Variants in HSPG2 observed in about 807,000 individuals in gnomAD.
The protein encoded by HSPG2 is basement membrane-specific heparan sulfate proteoglycan core protein.
Under a neutral mutation model 526.6 loss-of-function variants are expected in HSPG2, and 278 were observed. The observed-to-expected ratio is 0.53, with a 90% CI of 0.48 to 0.58. The LOEUF (loss-of-function observed/expected upper bound fraction) is 0.58, where lower values mean the gene tolerates loss of function less well. Ranked by LOEUF, HSPG2 falls within the 20% of genes least tolerant of loss-of-function variation. The pLI is 0.00. For synonymous variants in HSPG2, 2,465 were observed against 2,555.4 expected (o/e 0.96, Z 1.07); for missense variants, 5,354 against 6,099.5 (o/e 0.88, Z 4.07).
At chr1:21,876,996 T>C (rs2152749827) in intron 21 of HSPG2, among the ~76,000 whole-genome samples, 1 of 142,160 alleles carries the variant, frequency 7.0e-6, no homozygotes, top group South Asian at 2.2e-4. Context: ...GAGGTGGAGG[T>C]TGCAGTGAGC....
At position 21,895,467 on chromosome 1, in the gene HSPG2, G is replaced by T. The variant is rs1047880428; in HGVS notation, c.244+455C>A. Among the ~76,000 whole-genome samples the T allele has an allele frequency of 6.6e-6, 1 of 152,144 alleles. No homozygotes were observed. The highest frequency in any genetic ancestry group is 1.5e-5 in the Non-Finnish European group (1 of 68,006). ...CTCTCCCAAGCCTAGCGTCAGGCTC[G>T]ATCTGTGCTCTGCATGCCCTGCTGC... On this transcript the variant is annotated intron_variant, in intron 3 of 96. Transcript: ENST00000374695. The surrounding 1 kb of genome is among the most constrained non-coding windows in gnomAD (Gnocchi z 4.1).
intron 1 of HSPG2, among the ~76,000 whole-genome samples, chr1:21,919,425 CAA>C (rs36109631): frequency 4.5e-4 from 54 of 118,828 alleles, no homozygotes; most frequent in African/African-American, 9.6e-4. Context: ...GACCCTGTCT[CAA>C]AAAAAAAAAA....
At chr1:21,850,582 C>A (rs1638815532) in intron 55 of HSPG2, 84 bp from the exon 56 acceptor site, 6 of 1,420,502 alleles carry the variant, frequency 4.2e-6, no homozygotes, top group Non-Finnish European at 3.7e-6. Flanking sequence ...CTCTGACCCC[C>A]AAGGCCTGGC....
In HSPG2 at chr1:21,889,815, C is replaced by G. The variant is rs146852947; in HGVS notation, c.574+166G>C. 2.2e-3 allele frequency: 1,579 copies of G among 733,552 alleles called. 16 individuals carry two copies. The African/African-American group carries it at 0.024, about 11-fold the overall frequency. The allele number at this position is 733,552 out of a possible 1,614,324, so 45.4% of individuals were successfully genotyped here. ...TATGTGCTAGAGGAAACAGTCTGTG[C>G]TCTACCAAGCCAAGATTGTGTAAAG... On this transcript the variant is annotated intron_variant, in intron 6 of 96. Transcript: ENST00000374695.
intron 9 of HSPG2, among the ~76,000 whole-genome samples, chr1:21,886,942 C>T (rs1221243424): frequency 6.6e-5 from 10 of 152,184 alleles, no homozygotes; most frequent in Non-Finnish European, 8.8e-5. Context: ...AAAGAAATGA[C>T]GAGACACGAA....
rs552699467 is a variant in HSPG2 at position 21,833,355 on chromosome 1, G to A, written c.11008C>T (p.Pro3670Ser). 1.2e-6 allele frequency: 2 copies of A among 1,614,148 alleles called. No homozygotes were observed. Among genetic ancestry groups the A allele is most frequent in the South Asian group, 2.2e-5 (2 of 91,082 alleles). ...ERVVPYFTQT[P>S]YSFLPLPTIK... is the part of the protein sequence containing the mutation. ...GTGGGCAGCGGTAGGAAGGAGTAGGGGGTCTGCGTGAAGTAGGGCACCACC... is the reference window on the plus strand; with the variant it reads ...GTGGGCAGCGGTAGGAAGGAGTAGGAGGTCTGCGTGAAGTAGGGCACCACC... Residue 3670 changes from proline to serine, a missense_variant, in exon 80 of 97, where the codon CCC (proline) becomes TCC (serine). Pro to Ser is a moderately conservative substitution (Grantham distance 74). Transcript: ENST00000374695.
chr1:21,881,423 G>T lies in HSPG2; in HGVS notation c.1734C>A (p.His578Gln), dbSNP rs761523501. The T allele has an allele frequency of 1.3e-5, 21 of 1,613,904 alleles. 3 individuals carry two copies. The South Asian group carries it at 2.2e-4, about 17-fold the overall frequency. ...GGGACAGGTCGACTAGCTGGAACTC[G>T]TGCAGGGATGGGTCGATCTGCAGCT... is the stretch of plus-strand genomic sequence containing the variant. ...STQLQIDPSLHEFQLVDLSRR... is the reference protein window; with the variant it reads ...STQLQIDPSLQEFQLVDLSRR... The change falls in exon 14 of 97, where the codon CAC (histidine) becomes CAA (glutamine). Residue 578 changes from histidine (H) to glutamine (Q), a missense_variant. Physicochemically the swap from His to Gln is conservative, Grantham distance 24. Coordinates refer to ENST00000374695, the MANE Select transcript of HSPG2 (RefSeq NM_005529.7).
At position 21,828,715 on chromosome 1, in the gene HSPG2, C is replaced by A; in HGVS notation, c.12237+120G>T. ...GAGGCTCAGAGGTACAGTGTCCTGGCCCAGGGCCCGTGGGTGGCTGCAGGT... is the reference window on the plus strand; with the variant it reads ...GAGGCTCAGAGGTACAGTGTCCTGGACCAGGGCCCGTGGGTGGCTGCAGGT... On this transcript the variant is annotated intron_variant, in intron 88 of 96. Transcript: ENST00000374695. This position sits in a 1 kb window ranked among gnomAD's most constrained non-coding sequence, Gnocchi z 6.0. The A allele has an allele frequency of 7.1e-7, 1 of 1,414,370 alleles. No homozygotes were observed. The highest frequency in any genetic ancestry group is 1.2e-5 in the South Asian group (1 of 80,682). 87.6% of individuals were successfully genotyped at this position (1,414,370 alleles called of 1,614,324 possible). A position where few individuals can be genotyped will look rare whatever the true frequency, so the allele number is the denominator to read the frequency against.
At position 21,878,201 on chromosome 1, in the gene HSPG2, C is replaced by G; in HGVS notation, c.2670G>C (p.Glu890Asp). Residue 890 changes from glutamate (E) to aspartate (D), a missense_variant, in exon 21 of 97, where the codon GAG becomes GAC. Coordinates refer to ENST00000374695, the MANE Select transcript of HSPG2 (RefSeq NM_005529.7). Reference sequence around the variant, plus strand: ...GCACGCGTACCTTACAGCGGCAGGCCTCCCCGGAGGTCCCCATGCTGCCAC... The same window carrying G: ...GCACGCGTACCTTACAGCGGCAGGCGTCCCCGGAGGTCCCCATGCTGCCAC... Reference protein sequence around the residue: ...DERGSMGTSGEACRCKNNVVG... With the variant: ...DERGSMGTSGDACRCKNNVVG... 6.2e-7 allele frequency: 1 copy of G among 1,613,624 alleles called. No homozygotes were observed. Among genetic ancestry groups the G allele is most frequent in the Non-Finnish European group, 8.5e-7 (1 of 1,179,950 alleles).
intron 1 of HSPG2, among the ~76,000 whole-genome samples, chr1:21,906,057 A>C (rs1249896843): frequency 6.6e-6 from 1 of 152,226 alleles, no homozygotes; most frequent in Non-Finnish European, 1.5e-5. Context: ...ATAAGTGAGG[A>C]GCCTGAGGCT....
chr1:21,842,993 T>C, intron 66 of HSPG2, 72 bp from the exon 67 acceptor site: 2 of 1,558,578 alleles, frequency 1.3e-6, no homozygotes, highest in Non-Finnish European at 1.8e-6. Context: ...GTGGTGGCAG[T>C]GAAGACCAGC....
Position 21,890,237 on chromosome 1 carries a change from C to T in HSPG2, c.414-96G>A, listed in dbSNP as rs565404593. ...CCGCCCCGACGCTCAGGCCCTGTTCCGGGACAGCCTGTACCCAAAGAAGGG... is the reference window on the plus strand; with the variant it reads ...CCGCCCCGACGCTCAGGCCCTGTTCTGGGACAGCCTGTACCCAAAGAAGGG... On this transcript the variant is annotated intron_variant, in intron 5 of 96. Coordinates refer to ENST00000374695, the MANE Select transcript of HSPG2 (RefSeq NM_005529.7). This position sits in a 1 kb window ranked among gnomAD's most constrained non-coding sequence, Gnocchi z 4.1. 5.3e-4 allele frequency: 783 copies of T among 1,486,614 alleles called. 2 individuals are homozygous for T. Among genetic ancestry groups the T allele is most frequent in the South Asian group, 9.9e-4 (88 of 88,516 alleles). The allele number at this position is 1,486,614 out of a possible 1,614,324, so 92.1% of individuals were successfully genotyped here.
chr1:21,826,576 C>T (rs1422208549), intron 91 of HSPG2, among the ~76,000 whole-genome samples: 1 of 151,944 alleles, frequency 6.6e-6, no homozygotes, highest in African/African-American at 2.4e-5. Context: ...TGCATGCAAT[C>T]TTGGCTCATG....
chr1:21,873,197 G>A, intron 30 of HSPG2, 106 bp from the exon 31 acceptor site: 2 of 1,156,578 alleles, frequency 1.7e-6, no homozygotes, highest in East Asian at 2.3e-5. Flanking sequence ...TCTGATGTGA[G>A]TACTCAACAC....
In HSPG2 at chr1:21,904,613, C is replaced by T. The variant is rs1018434252; in HGVS notation, c.64-8303G>A. Among the ~76,000 whole-genome samples the T allele has an allele frequency of 3.9e-4, 60 of 152,226 alleles. No homozygotes were observed. The highest frequency in any genetic ancestry group is 1.4e-3 in the African/African-American group (56 of 41,462). ...GGTGGCTGAATGAGCTGCCTGCCAG[C>T]TTACAGGGAACCAGGAAGCCACCGG... On this transcript the variant is annotated intron_variant, in intron 1 of 96. Transcript: ENST00000374695. The surrounding 1 kb of genome is among the most constrained non-coding windows in gnomAD (Gnocchi z 4.4).
chr1:21,934,311 A>G (rs1377174864), intron 1 of HSPG2, among the ~76,000 whole-genome samples: 1 of 152,236 alleles, frequency 6.6e-6, no homozygotes, highest in Non-Finnish European at 1.5e-5. Flanking sequence ...AGAGGGTCCA[A>G]GGTGTGCTGG....
In HSPG2 at chr1:21,853,756, T is replaced by A. The variant is rs12022345; in HGVS notation, c.6439+437A>T. The stretch of plus-strand genomic sequence containing the variant: ...AGAGCGAGACTCTCTCTCAAAAAAA[T>A]AAAATAAAATAAAATAAAATAAAAT... On this transcript the variant is annotated intron_variant, in intron 50 of 96. Coordinates refer to ENST00000374695, the MANE Select transcript of HSPG2 (RefSeq NM_005529.7). 948 of 106,918 alleles carry A rather than the reference T, an allele frequency of 8.9e-3. 20 individuals carry two copies. The highest frequency in any genetic ancestry group is 0.055 in the South Asian group (225 of 4,116). 6.6% of individuals were successfully genotyped at this position (106,918 alleles called of 1,614,324 possible). A position where few individuals can be genotyped will look rare whatever the true frequency, so the allele number is the denominator to read the frequency against.
At chr1:21,906,429 G>T (rs111633741) in intron 1 of HSPG2, among the ~76,000 whole-genome samples, 1 of 152,190 alleles carries the variant, frequency 6.6e-6, no homozygotes, top group Non-Finnish European at 1.5e-5. Flanking sequence ...CAAGGAGGTC[G>T]GCTCCCCCTG....
chr1:21,843,583 G>A (rs2098058550), intron 65 of HSPG2, 145 bp from the exon 66 acceptor site: 3 of 766,334 alleles, frequency 3.9e-6, no homozygotes, highest in Non-Finnish European at 6.1e-6. Context: ...CCGCATTGTG[G>A]AGGGCATGTT....
Sources: allele counts gnomAD v4.1 joint callset (sites outside exome capture counted in the v4.1 genomes callset), GRCh38; gene constraint gnomAD v4.1.1; non-coding constraint Gnocchi (gnomAD v3.1); transcripts MANE v1.5; gene names NCBI Gene and HGNC (gene_info 2026-07-23, HGNC 2026-07-21).